Variants in SPATA6 observed in about 807,000 individuals in gnomAD.
SPATA6 encodes spermatogenesis-associated protein 6.
SPATA6 carries 56 observed loss-of-function variants against 65.3 expected under a neutral mutation model. The ratio of observed to expected loss-of-function variants is 0.86; its 90% CI spans 0.69 to 1.07. The LOEUF (loss-of-function observed/expected upper bound fraction) is 1.07. Among genes scored for constraint, SPATA6 ranks in the 50% least tolerant of loss-of-function variants. The pLI is 0.00. For missense variants in SPATA6, 590 were observed against 594.8 expected, an observed-to-expected ratio of 0.99 and a Z score of 0.08; for synonymous variants, 199 against 213.2, an observed-to-expected ratio of 0.93 and a Z score of 0.58.
chr1:48,353,800 G>C (rs1646580712), intron 11 of SPATA6, among the ~76,000 whole-genome samples: 1 of 151,944 alleles, frequency 6.6e-6, no homozygotes, highest in Middle Eastern at 3.4e-3. Flanking sequence ...ATATTTAAAT[G>C]TTAAAGAAAA....
intron 6 of SPATA6, among the ~76,000 whole-genome samples, chr1:48,400,596 C>T (rs1444710168): frequency 1.3e-5 from 2 of 152,056 alleles, no homozygotes; most frequent in Non-Finnish European, 2.9e-5. Flanking sequence ...ACCTCCAGCT[C>T]TATTTCCTCA....
At chr1:48,265,197 C>T in the SPATA6 span, among the ~76,000 whole-genome samples, 17 of 152,142 alleles carry the variant, frequency 1.1e-4, no homozygotes, top group African/African-American at 3.4e-4. Flanking sequence ...CCATAATACA[C>T]AACATTTTAT....
downstream of SPATA6, among the ~76,000 whole-genome samples, chr1:48,292,564 A>C (rs1569945023): frequency 6.6e-6 from 1 of 152,182 alleles, no homozygotes; most frequent in Non-Finnish European, 1.5e-5. Context: ...AACAACCAAG[A>C]CCAGCAGCAG....
intron 8 of SPATA6, among the ~76,000 whole-genome samples, chr1:48,388,531 A>C (rs1649724828): frequency 6.6e-6 from 1 of 152,212 alleles, no homozygotes; most frequent in Non-Finnish European, 1.5e-5. Flanking sequence ...AAGAATTTAA[A>C]TTATTGATTC....
intron 3 of SPATA6, among the ~76,000 whole-genome samples, chr1:48,432,562 G>A (rs571740972): frequency 8.5e-5 from 13 of 152,244 alleles, no homozygotes; most frequent in Admixed American, 7.8e-4. Context: ...TTAGGAAAAT[G>A]CAAATTACAA....
chr1:48,305,418 C>T (rs1645036725), intron 12 of SPATA6, among the ~76,000 whole-genome samples: 3 of 152,026 alleles, frequency 2.0e-5, no homozygotes, highest in Admixed American at 1.3e-4. Flanking sequence ...TATTAACATT[C>T]CTCAAATTAT....
intron 12 of SPATA6, among the ~76,000 whole-genome samples, chr1:48,299,439 G>A (rs572410860): frequency 6.8e-6 from 1 of 146,768 alleles, no homozygotes. Context: ...ACTTGAAACC[G>A]GGAGGCAGAG....
intron 8 of SPATA6, among the ~76,000 whole-genome samples, chr1:48,391,834 C>G (rs986950860): frequency 4.0e-5 from 6 of 151,574 alleles, no homozygotes; most frequent in Non-Finnish European, 1.5e-5. Context: ...GTAAGGCAAA[C>G]AGGAAAAACT....
intron 3 of SPATA6, among the ~76,000 whole-genome samples, chr1:48,442,452 C>CA (rs1315621399): frequency 2.0e-5 from 3 of 151,156 alleles, no homozygotes; most frequent in African/African-American, 4.9e-5. Context: ...CCGAAGCCAT[C>CA]AAAAAAGGGA....
In SPATA6 at chr1:48,399,418, G is replaced by C; in HGVS notation, c.713C>G (p.Ala238Gly). ...ELSEDTRRRL[A>G]HLNLGPYEFK... is the part of the protein sequence containing the mutation. ...CTCATAGGGTCCCAGATTTAAATGG[G>C]CCAGCCGCCGCCTGGTGTCTTCAGA... The change falls in exon 7 of 13, where the codon GCC becomes GGC. Residue 238 changes from alanine (A) to glycine (G), a missense_variant. By Grantham distance (60) the Ala-to-Gly change is moderately conservative. Transcript: ENST00000371847. 6.2e-7 allele frequency: 1 copy of C among 1,613,162 alleles called. No homozygotes were observed. The highest frequency in any genetic ancestry group is 8.5e-7 in the Non-Finnish European group (1 of 1,179,462).
At chr1:48,417,476 G>T (rs961341016) in intron 3 of SPATA6, among the ~76,000 whole-genome samples, 1 of 152,096 alleles carries the variant, frequency 6.6e-6, no homozygotes, top group Non-Finnish European at 1.5e-5. Flanking sequence ...ACAATGTATG[G>T]AATTTATCTG....
chr1:48,437,414 T>G (rs1464339652), intron 3 of SPATA6, among the ~76,000 whole-genome samples: 9 of 152,228 alleles, frequency 5.9e-5, no homozygotes, highest in Non-Finnish European at 8.8e-5. Flanking sequence ...CAGAGTACTA[T>G]GACAAGGAAA....
chr1:48,278,118 G>A, the SPATA6 span, among the ~76,000 whole-genome samples: 6 of 152,204 alleles, frequency 3.9e-5, no homozygotes, highest in Admixed American at 2.6e-4. Flanking sequence ...TGCAGCTGAG[G>A]GTCCTGTCTG....
At chr1:48,393,596 GTTAA>G (rs1650283378) in intron 8 of SPATA6, among the ~76,000 whole-genome samples, 1 of 152,042 alleles carries the variant, frequency 6.6e-6, no homozygotes, top group Non-Finnish European at 1.5e-5. Flanking sequence ...CTGCTATATT[GTTAA>G]TTAACTGGCG....
chr1:48,318,997 T>C (rs185593868), intron 11 of SPATA6, among the ~76,000 whole-genome samples: 35 of 152,280 alleles, frequency 2.3e-4, no homozygotes, highest in African/African-American at 8.4e-4. Context: ...TTTATAAAGA[T>C]GCCAAGACAA....
At chr1:48,408,924 G>T (rs1290864756) in intron 5 of SPATA6, among the ~76,000 whole-genome samples, 5 of 152,144 alleles carry the variant, frequency 3.3e-5, no homozygotes, top group Non-Finnish European at 7.4e-5. Context: ...TGCAAGATGA[G>T]ATCTGGGTAG....
At chr1:48,453,780 G>A (rs1299137786) in intron 1 of SPATA6, among the ~76,000 whole-genome samples, 3 of 151,976 alleles carry the variant, frequency 2.0e-5, no homozygotes, top group Non-Finnish European at 2.9e-5. Flanking sequence ...TGTCCTCAGT[G>A]CCTAGAACAG....
At chr1:48,292,944 A>G (rs1410347987), downstream of SPATA6, among the ~76,000 whole-genome samples, 1 of 152,158 alleles carries the variant, frequency 6.6e-6, no homozygotes, top group Non-Finnish European at 1.5e-5. Flanking sequence ...AAAATAGCCT[A>G]GTCAGCTGGG....
At chr1:48,311,103 A>G (rs1480929435) in intron 11 of SPATA6, among the ~76,000 whole-genome samples, 1 of 152,172 alleles carries the variant, frequency 6.6e-6, no homozygotes, top group Admixed American at 6.5e-5. Context: ...ATGGCTATAA[A>G]CACCTACATG....
Sources: gnomAD v4.1 joint callset for allele counts (sites outside exome capture counted in the v4.1 genomes callset) on GRCh38, gnomAD v4.1.1 for gene constraint, MANE v1.5 for transcripts, NCBI Gene and HGNC (gene_info 2026-07-23, HGNC 2026-07-21) for gene names.